The following KCNT2 variants were observed in gnomAD, a reference collection of about 807,000 sequenced individuals.
The protein encoded by KCNT2 is potassium channel subfamily T member 2.
A neutral mutation model predicts 153.8 loss-of-function variants in KCNT2; 67 were observed. The observed-to-expected ratio is 0.44, with a 90% CI of 0.36 to 0.53. The LOEUF is 0.53. Ranked by LOEUF, KCNT2 falls within the 20% of genes least tolerant of loss-of-function variation. KCNT2 has a pLI of 0.00. For synonymous variants in KCNT2, 500 were observed against 458.8 expected (o/e 1.09, Z -1.15); for missense variants, 975 against 1,354.8 (o/e 0.72, Z 4.40).
At chr1:196,428,054 A>G (rs1257313629) in intron 10 of KCNT2, 51 bp downstream of exon 10, 2 of 1,399,964 alleles carry the variant, frequency 1.4e-6, no homozygotes, top group Non-Finnish European at 2.0e-6. Flanking sequence ...GACTTTGACA[A>G]TATGTTAGTA....
chr1:196,252,840 A>G lies in KCNT2; in HGVS notation c.3211+5354T>C, dbSNP rs115237216. ...ATATCTATATTATATATAATGTTAT[A>G]GGTGGGCTATTTTTTTTCCTACTCT... On this transcript the variant is annotated intron_variant, in intron 26 of 27. Transcript: ENST00000294725. 5.1e-3 allele frequency among the ~76,000 whole-genome samples: 768 copies of G among 151,346 alleles called. 7 individuals are homozygous for G. The highest frequency in any genetic ancestry group is 0.016 in the African/African-American group (672 of 41,470).
intron 25 of KCNT2, among the ~76,000 whole-genome samples, chr1:196,260,947 T>C (rs980616891): frequency 6.6e-6 from 1 of 151,860 alleles, no homozygotes; most frequent in Non-Finnish European, 1.5e-5. Flanking sequence ...CATTAATATA[T>C]CCTTGTAAAA....
intron 19 of KCNT2, 88 bp from the exon 20 acceptor site, chr1:196,319,643 C>A (rs891780739): frequency 6.4e-6 from 5 of 785,378 alleles, no homozygotes; most frequent in Admixed American, 2.3e-5. Flanking sequence ...ACTTAGTTTG[C>A]ATTTCCAAAA....
chr1:196,512,602 T>G (rs1393055009), intron 1 of KCNT2, among the ~76,000 whole-genome samples: 1 of 152,076 alleles, frequency 6.6e-6, no homozygotes, highest in African/African-American at 2.4e-5. Context: ...GTAGTAAAAA[T>G]GTTTTACCAG....
At chr1:196,328,317 A>C (rs1664088643) in intron 18 of KCNT2, among the ~76,000 whole-genome samples, 1 of 152,106 alleles carries the variant, frequency 6.6e-6, no homozygotes, top group Non-Finnish European at 1.5e-5. Context: ...CAGAAACTAA[A>C]ATGAAAGGCA....
intron 14 of KCNT2, among the ~76,000 whole-genome samples, chr1:196,350,261 A>G (rs1449956706): frequency 6.6e-6 from 1 of 152,188 alleles, no homozygotes; most frequent in Non-Finnish European, 1.5e-5. Flanking sequence ...TTCTAGTTCT[A>G]GATCCCTGAG....
chr1:196,456,623 G>A (rs1178366538), intron 8 of KCNT2, among the ~76,000 whole-genome samples: 1 of 151,810 alleles, frequency 6.6e-6, no homozygotes, highest in Admixed American at 6.6e-5. Context: ...GTTAATAGGG[G>A]AGTAAAGTAA....
chr1:196,387,260 C>A (rs61820895), intron 13 of KCNT2, among the ~76,000 whole-genome samples: 1 of 151,962 alleles, frequency 6.6e-6, no homozygotes, highest in Non-Finnish European at 1.5e-5. Flanking sequence ...TATCCTCTAT[C>A]TTGGTGCAGC....
At chr1:196,344,553 A>G (rs901060922) in intron 14 of KCNT2, among the ~76,000 whole-genome samples, 1 of 152,190 alleles carries the variant, frequency 6.6e-6, no homozygotes, top group Non-Finnish European at 1.5e-5. Context: ...CTTGGCAAAA[A>G]CAGAATCTAT....
chr1:196,255,813 G>A (rs1250125524), intron 26 of KCNT2, among the ~76,000 whole-genome samples: 1 of 151,782 alleles, frequency 6.6e-6, no homozygotes, highest in African/African-American at 2.4e-5. Flanking sequence ...GAATCTTTTG[G>A]GAGTAGGTAT....
intron 27 of KCNT2, among the ~76,000 whole-genome samples, chr1:196,229,358 C>A (rs1011032381): frequency 6.6e-6 from 1 of 151,866 alleles, no homozygotes; most frequent in Non-Finnish European, 1.5e-5. Context: ...TACCACTATC[C>A]GCACCCATAT....
intron 1 of KCNT2, among the ~76,000 whole-genome samples, chr1:196,520,317 G>C (rs1454728905): frequency 6.6e-6 from 1 of 151,808 alleles, no homozygotes; most frequent in Non-Finnish European, 1.5e-5. Context: ...AAAATAATAA[G>C]AGCTATATAT....
At chr1:196,230,754 A>C (rs986174251) in intron 27 of KCNT2, among the ~76,000 whole-genome samples, 2 of 151,994 alleles carry the variant, frequency 1.3e-5, no homozygotes, top group Non-Finnish European at 2.9e-5. Context: ...ATGAATGAGG[A>C]GTTGCTTCTT....
At chr1:196,535,714 T>C (rs1256280206) in intron 1 of KCNT2, among the ~76,000 whole-genome samples, 1 of 152,150 alleles carries the variant, frequency 6.6e-6, no homozygotes, top group African/African-American at 2.4e-5. Flanking sequence ...CACAGCTTTT[T>C]CTCTCTGAGC....
intron 10 of KCNT2, among the ~76,000 whole-genome samples, chr1:196,426,494 A>T (rs1190959927): frequency 6.6e-6 from 1 of 152,056 alleles, no homozygotes; most frequent in East Asian, 1.9e-4. Context: ...AAACACTGAA[A>T]ATACTGACAA....
At chr1:196,252,897 A>T (rs1003178051) in intron 26 of KCNT2, among the ~76,000 whole-genome samples, 2 of 151,116 alleles carry the variant, frequency 1.3e-5, no homozygotes, top group African/African-American at 4.8e-5. Context: ...TGTTTTGTAA[A>T]GTTTCTAACA....
At chr1:196,464,301 A>G (rs1376426623) in intron 8 of KCNT2, among the ~76,000 whole-genome samples, 2 of 151,890 alleles carry the variant, frequency 1.3e-5, no homozygotes, top group Non-Finnish European at 2.9e-5. Context: ...TCGATCTTAG[A>G]GGTTATTTTA....
chr1:196,561,429 T>A (rs1459926388), intron 1 of KCNT2, among the ~76,000 whole-genome samples: 2 of 151,250 alleles, frequency 1.3e-5, no homozygotes, highest in Non-Finnish European at 3.0e-5. Context: ...GTATTTATGA[T>A]ATCTCATATA....
At chr1:196,349,633 G>T (rs1163288092) in intron 14 of KCNT2, among the ~76,000 whole-genome samples, 1 of 151,960 alleles carries the variant, frequency 6.6e-6, no homozygotes, top group African/African-American at 2.4e-5. Context: ...GCCTCACTTT[G>T]TGGAGTAGAT....
Sources: allele counts gnomAD v4.1 joint callset (sites outside exome capture counted in the v4.1 genomes callset), GRCh38; gene constraint gnomAD v4.1.1; transcripts MANE v1.5; gene names NCBI Gene and HGNC (gene_info 2026-07-23, HGNC 2026-07-21).